Variants in TNFAIP8L3 observed in about 807,000 individuals in gnomAD.
The protein encoded by TNFAIP8L3 is tumor necrosis factor alpha-induced protein 8-like protein 3.
A neutral mutation model predicts 11.8 loss-of-function variants in TNFAIP8L3; 7 were observed. That is an observed-to-expected ratio of 0.59 (90% confidence interval 0.34 to 1.11). The LOEUF (loss-of-function observed/expected upper bound fraction) is 1.11, where lower values mean the gene tolerates loss of function less well. Ranked by LOEUF, TNFAIP8L3 falls within the 50% of genes most tolerant of loss-of-function variation. The probability of loss-of-function intolerance (pLI) is 0.03; values close to 1 mark genes in which losing one functional copy is unlikely to be tolerated. For missense variants in TNFAIP8L3, 219 were observed against 258.6 expected (o/e 0.85, Z 1.05); for synonymous variants, 98 against 103.8 (o/e 0.94, Z 0.34).
intron 1 of TNFAIP8L3, among the ~76,000 whole-genome samples, chr15:51,059,307 A>G (rs2065227170): frequency 6.6e-6 from 1 of 152,250 alleles, no homozygotes; most frequent in East Asian, 1.9e-4. Flanking sequence ...TGTTTAAAAA[A>G]ATCCACAATA....
chr15:51,075,032 T>C (rs940057288), intron 1 of TNFAIP8L3, among the ~76,000 whole-genome samples: 2 of 152,232 alleles, frequency 1.3e-5, no homozygotes, highest in African/African-American at 2.4e-5. Context: ...CTGCCTACTA[T>C]GCAGAAGTTA....
At position 51,094,732 on chromosome 15, in the gene TNFAIP8L3, G is replaced by A; in HGVS notation, c.-137C>T. The A allele has an allele frequency of 2.0e-6, 2 of 981,302 alleles. No individual in the cohort carries two copies. The highest frequency in any genetic ancestry group is 2.4e-6 in the Non-Finnish European group (2 of 828,812). The allele number at this position is 981,302 out of a possible 1,614,324, so 60.8% of individuals were successfully genotyped here. On this transcript the variant is annotated 5_prime_UTR_variant, in exon 1 of 2. Coordinates refer to ENST00000637513, the MANE Select transcript of TNFAIP8L3 (RefSeq NM_001311175.2). The surrounding 1 kb of genome is among the most constrained non-coding windows in gnomAD (Gnocchi z 4.4). ...GGCGGCGCGGGCTGGGCGGTGCGCGGCGGCAGCGGCCAGGGGGCGGCTCCG... is the reference window on the plus strand; with the variant it reads ...GGCGGCGCGGGCTGGGCGGTGCGCGACGGCAGCGGCCAGGGGGCGGCTCCG...
At position 51,094,344 on chromosome 15, in the gene TNFAIP8L3, T is replaced by C. The variant is rs1181978810; in HGVS notation, c.52+200A>G. On this transcript the variant is annotated intron_variant, in intron 1 of 1. Coordinates refer to ENST00000637513, the MANE Select transcript of TNFAIP8L3 (RefSeq NM_001311175.2). The surrounding 1 kb of genome is among the most constrained non-coding windows in gnomAD (Gnocchi z 4.4). ...GGCAGCAAGGAGAGCCACCCCTAAA[T>C]GCACCTTCCCTCCCTCCCGCGCGCC... 3.3e-5 allele frequency among the ~76,000 whole-genome samples: 5 copies of C among 151,402 alleles called. No homozygotes were observed. The highest frequency in any genetic ancestry group is 4.2e-4 in the South Asian group (2 of 4,774).
chr15:51,097,858 G>GC (rs1402328135), upstream of TNFAIP8L3, among the ~76,000 whole-genome samples: 1 of 151,730 alleles, frequency 6.6e-6, no homozygotes, highest in Non-Finnish European at 1.5e-5. Flanking sequence ...TTCTTGTGGG[G>GC]GGGGAAAAAC....
intron 1 of TNFAIP8L3, among the ~76,000 whole-genome samples, chr15:51,081,763 G>A (rs373364060): frequency 4.6e-5 from 7 of 152,350 alleles, no homozygotes; most frequent in African/African-American, 1.7e-4. Context: ...CTCCCAGGAT[G>A]AGGAGAAATC....
chr15:51,071,188 C>T (rs1162898388), intron 1 of TNFAIP8L3, among the ~76,000 whole-genome samples: 1 of 150,312 alleles, frequency 6.7e-6, no homozygotes, highest in African/African-American at 2.5e-5. Context: ...TTAACAAATA[C>T]TGTGTAGCCA....
Position 51,063,276 on chromosome 15 carries a change from T to C in TNFAIP8L3, c.53-4833A>G, listed in dbSNP as rs993796661. ...TGTAGCAGTCTTGATTTTCTTTGATTAGGGAACTATTTTTGCCTCCTGAGT... is the reference window on the plus strand; with the variant it reads ...TGTAGCAGTCTTGATTTTCTTTGATCAGGGAACTATTTTTGCCTCCTGAGT... On this transcript the variant is annotated intron_variant, in intron 1 of 1. Transcript: ENST00000637513. 2.0e-5 allele frequency among the ~76,000 whole-genome samples: 3 copies of C among 152,222 alleles called. No homozygotes were observed. The East Asian group carries it at 5.8e-4, about 29-fold the overall frequency.
At chr15:51,062,138 G>A (rs2140963531) in intron 1 of TNFAIP8L3, among the ~76,000 whole-genome samples, 1 of 152,224 alleles carries the variant, frequency 6.6e-6, no homozygotes, top group South Asian at 2.1e-4. Flanking sequence ...GCTGGGTGTG[G>A]TGCCATGCAC....
chr15:51,083,891 A>C (rs1478987348), intron 1 of TNFAIP8L3, among the ~76,000 whole-genome samples: 1 of 152,216 alleles, frequency 6.6e-6, no homozygotes, highest in African/African-American at 2.4e-5. Context: ...AGCAAATTTC[A>C]AGGGAGAGGA....
At position 51,059,278 on chromosome 15, in the gene TNFAIP8L3, A is replaced by T. The variant is rs150143856; in HGVS notation, c.53-835T>A. ...TTTTGCTGTTATTTTCTACTTTATG[A>T]ATGAATGAGAGCAATATATGTTTAA... On this transcript the variant is annotated intron_variant, in intron 1 of 1. Transcript: ENST00000637513. 2.4e-3 allele frequency among the ~76,000 whole-genome samples: 371 copies of T among 152,338 alleles called. 2 individuals carry two copies. The highest frequency in any genetic ancestry group is 8.6e-3 in the African/African-American group (358 of 41,576).
chr15:51,105,107 GTTTCCCCT>G lies in TNFAIP8L3; in HGVS notation c.62_69del (p.Lys21ThrfsTer85). Reference sequence around the variant, plus strand: ...GTCCCTGCATATCCGTTGACCCACAGTTTCCCCTTTGGCTCTGCCTCACAGAGTGTGGA... The same window carrying G: ...GTCCCTGCATATCCGTTGACCCACAGTTGGCTCTGCCTCACAGAGTGTGGA... On this transcript the variant is annotated frameshift_variant, in exon 1 of 3. Coordinates refer to the TNFAIP8L3 transcript ENST00000327536. LOFTEE classifies it high-confidence loss of function. The G allele has an allele frequency of 6.2e-7, 1 of 1,614,212 alleles. No homozygotes were observed. The highest frequency in any genetic ancestry group is 8.5e-7 in the Non-Finnish European group (1 of 1,180,034).
chr15:51,085,593 TATCTC>T (rs1187064289), intron 1 of TNFAIP8L3, among the ~76,000 whole-genome samples: 1 of 150,738 alleles, frequency 6.6e-6, no homozygotes, highest in Non-Finnish European at 1.5e-5. Context: ...GTCCTTTTGA[TATCTC>T]AATACCTGGA....
chr15:51,092,912 A>G (rs2065482430), intron 1 of TNFAIP8L3, among the ~76,000 whole-genome samples: 1 of 152,116 alleles, frequency 6.6e-6, no homozygotes, highest in African/African-American at 2.4e-5. Flanking sequence ...TCAACCCCTT[A>G]ACTTCAACCA....
chr15:51,079,855 CAA>C (rs10602536), intron 1 of TNFAIP8L3, among the ~76,000 whole-genome samples: 25,474 of 77,962 alleles, frequency 0.33, 2,237 homozygotes, highest in East Asian at 0.53. Context: ...GACTTTGTCT[CAA>C]AAAAAAAAAA....
At chr15:51,091,905 A>G (rs536014664) in intron 1 of TNFAIP8L3, among the ~76,000 whole-genome samples, 7 of 152,358 alleles carry the variant, frequency 4.6e-5, no homozygotes, top group African/African-American at 1.7e-4. Flanking sequence ...CAATCAGGTA[A>G]TAATCAAAAT....
At chr15:51,078,828 A>G (rs2065372908) in intron 1 of TNFAIP8L3, among the ~76,000 whole-genome samples, 1 of 151,854 alleles carries the variant, frequency 6.6e-6, no homozygotes, top group Non-Finnish European at 1.5e-5. Context: ...CCGACTGTCT[A>G]TTCAGCTTCT....
chr15:51,081,158 T>TGG (rs1402879475), intron 1 of TNFAIP8L3, among the ~76,000 whole-genome samples: 1 of 151,270 alleles, frequency 6.6e-6, no homozygotes, highest in Non-Finnish European at 1.5e-5. Flanking sequence ...TGGGGGTGGG[T>TGG]GGGGGCCCAA....
intron 1 of TNFAIP8L3, among the ~76,000 whole-genome samples, chr15:51,062,393 G>A (rs2065247177): frequency 6.6e-6 from 1 of 152,246 alleles, no homozygotes; most frequent in African/African-American, 2.4e-5. Flanking sequence ...CCAGGAGGTT[G>A]AGGCTACAAC....
At chr15:51,081,463 A>G (rs1300780793) in intron 1 of TNFAIP8L3, among the ~76,000 whole-genome samples, 1 of 152,168 alleles carries the variant, frequency 6.6e-6, no homozygotes, top group Non-Finnish European at 1.5e-5. Flanking sequence ...GACTTGTCCT[A>G]CAGCACTCCT....
Sources: allele counts gnomAD v4.1 joint callset (sites outside exome capture counted in the v4.1 genomes callset), GRCh38; gene constraint gnomAD v4.1.1; non-coding constraint Gnocchi (gnomAD v3.1); transcripts MANE v1.5; gene names NCBI Gene and HGNC (gene_info 2026-07-23, HGNC 2026-07-21).